PFKFB3: variants seen among roughly 807,000 people sequenced by gnomAD.
The protein encoded by PFKFB3 is 6-phosphofructo-2-kinase/fructose-2,6-bisphosphatase 3.
A neutral mutation model predicts 68.0 loss-of-function variants in PFKFB3; 33 were observed. That is an observed-to-expected ratio of 0.49 (90% CI 0.37 to 0.65). The LOEUF (loss-of-function observed/expected upper bound fraction) is 0.65. Among genes scored for constraint, PFKFB3 ranks in the 30% least tolerant of loss-of-function variants. The pLI is 0.00. For missense variants in PFKFB3, 586 were observed against 712.2 expected (o/e 0.82, Z 2.02); for synonymous variants, 315 against 288.2 (o/e 1.09, Z -0.94).
At chr10:6,213,954 C>T (rs781327187) in intron 2 of PFKFB3, among the ~76,000 whole-genome samples, 1 of 142,630 alleles carries the variant, frequency 7.0e-6, no homozygotes, top group Non-Finnish European at 1.5e-5. Context: ...ACTGGCCATT[C>T]TCTTTCCCAC....
the PFKFB3 span, among the ~76,000 whole-genome samples, chr10:6,278,603 C>T: frequency 1.3e-5 from 2 of 152,122 alleles, no homozygotes; most frequent in African/African-American, 2.4e-5. Flanking sequence ...ACCAGTTATC[C>T]CCTGAAGACC....
chr10:6,190,459 G>A (rs752711090), intron 1 of PFKFB3, among the ~76,000 whole-genome samples: 4 of 152,104 alleles, frequency 2.6e-5, no homozygotes, highest in Non-Finnish European at 5.9e-5. Flanking sequence ...GTGTTCCTAT[G>A]TTTCTCTGGG....
Position 6,203,240 on chromosome 10 carries a change from C to T in PFKFB3, c.-21C>T, listed in dbSNP as rs376534878. 2.5e-6 allele frequency: 4 copies of T among 1,603,988 alleles called. No homozygotes were observed. Among genetic ancestry groups the T allele is most frequent in the Middle Eastern group, 1.7e-4 (1 of 6,010 alleles). On this transcript the variant is annotated 5_prime_UTR_variant, in exon 1 of 15. Transcript: ENST00000379775. The stretch of plus-strand genomic sequence containing the variant: ...CGGGATCTCGGCCCCGGGAGGCGGG[C>T]CGTCGGGCGCAGCCGCGAAGATGCC...
At position 6,219,637 on chromosome 10, in the gene PFKFB3, G is replaced by T; in HGVS notation, c.567G>T (p.Lys189Asn). 1 of 1,613,926 alleles carries T rather than the reference G, an allele frequency of 6.2e-7. No homozygotes were observed. Among genetic ancestry groups the T allele is most frequent in the Non-Finnish European group, 8.5e-7 (1 of 1,179,856 alleles). Residue 189 changes from lysine (K) to asparagine (N), a missense_variant, in exon 7 of 15, where the codon AAG becomes AAT. Lys to Asn is a moderately conservative substitution (Grantham distance 94). Transcript: ENST00000379775. ...CAGAAGCCATGGACGACTTCATGAA[G>T]AGGATCAGTTGCTATGAAGCCAGCT... is the stretch of plus-strand genomic sequence containing the variant. ...NSAEAMDDFM[K>N]RISCYEASYQ...
chr10:6,173,254 G>T (rs1842364727), intron 1 of PFKFB3, among the ~76,000 whole-genome samples: 1 of 152,122 alleles, frequency 6.6e-6, no homozygotes, highest in African/African-American at 2.4e-5. Context: ...GTTGCTGGTG[G>T]TCATGTTTGT....
exon 15 of PFKFB3, chr10:6,254,316 C>A: frequency 2.5e-6 from 1 of 398,576 alleles, no homozygotes; most frequent in African/African-American, 2.1e-5. Flanking sequence ...CATCCCGGAG[C>A]CCAGACTGGT....
At chr10:6,187,034 AGTGCG>A (rs1009020787) in intron 1 of PFKFB3, among the ~76,000 whole-genome samples, 15 of 151,888 alleles carry the variant, frequency 9.9e-5, no homozygotes, top group Non-Finnish European at 5.9e-5. Flanking sequence ...CCAATGTGGA[AGTGCG>A]GTGTGGGCTT....
At chr10:6,182,556 TG>T (rs1004187409) in intron 1 of PFKFB3, among the ~76,000 whole-genome samples, 8 of 152,174 alleles carry the variant, frequency 5.3e-5, no homozygotes, top group Non-Finnish European at 1.2e-4. Flanking sequence ...GCCAGCACTG[TG>T]TTTCATCACA....
chr10:6,281,182 T>TATATATATATAC, the PFKFB3 span, among the ~76,000 whole-genome samples: 5 of 133,592 alleles, frequency 3.7e-5, no homozygotes, highest in African/African-American at 1.1e-4. Context: ...TATATATATA[T>TATATATATATAC]ACACCACAGT....
At chr10:6,144,928 G>C, upstream of PFKFB3, 1 of 1,185,196 alleles carries the variant, frequency 8.4e-7, no homozygotes, top group East Asian at 3.2e-5. Flanking sequence ...CCCGAGTCGC[G>C]GGGCTGCCGC....
At chr10:6,146,142 G>GT (rs1417773205) in intron 1 of PFKFB3, 9 of 789,350 alleles carry the variant, frequency 1.1e-5, no homozygotes, top group East Asian at 1.3e-4. Context: ...GGGGGTGTGT[G>GT]TGGGGGGAGC....
the PFKFB3 span, among the ~76,000 whole-genome samples, chr10:6,301,244 TAAG>T: frequency 6.6e-6 from 1 of 152,158 alleles, no homozygotes; most frequent in Non-Finnish European, 1.5e-5. Context: ...GGAAATAAAG[TAAG>T]ATGAGGATTT....
rs745927157 is a variant in PFKFB3, at chr10:6,221,435, G to C, written c.886G>C (p.Val296Leu). ...GGAGCAGAACCTGAAGGACCTGCGC[G>C]TGTGGACCAGCCAGCTGAAGAGCAC... The part of the protein sequence containing the change: ...VEEQNLKDLR[V>L]WTSQLKSTIQ... The change falls in exon 9 of 15, where the codon GTG becomes CTG. Residue 296 changes from valine to leucine, a missense_variant. Physicochemically the swap from Val to Leu is conservative, Grantham distance 32 (BLOSUM62 1). Transcript: ENST00000379775. 1.9e-6 allele frequency: 3 copies of C among 1,613,850 alleles called. No individual in the cohort carries two copies. Among genetic ancestry groups the C allele is most frequent in the East Asian group, 2.2e-5 (1 of 44,880 alleles).
At chr10:6,316,305 G>A in the PFKFB3 span, among the ~76,000 whole-genome samples, 1 of 152,236 alleles carries the variant, frequency 6.6e-6, no homozygotes, top group South Asian at 2.1e-4. Context: ...GGGGCACCTC[G>A]ACCAATGTCA....
In PFKFB3 at chr10:6,219,695, T is replaced by G. The variant is rs1844821284; in HGVS notation, c.623+2T>G. On this transcript the variant is annotated splice_donor_variant, in intron 7 of 14. Transcript: ENST00000379775. LOFTEE classifies it high-confidence loss of function. ...CCTCGACCCCGACAAATGCGACAGG[T>G]GATTCCCGTGGCTGGCCGTCTCTGC... 1 of 1,612,996 alleles carries G rather than the reference T, an allele frequency of 6.2e-7. No individual in the cohort carries two copies. The highest frequency in any genetic ancestry group is 1.7e-5 in the Admixed American group (1 of 59,988).
At chr10:6,224,312 G>C in intron 13 of PFKFB3, 99 bp downstream of exon 13, 1 of 1,191,488 alleles carries the variant, frequency 8.4e-7, no homozygotes, top group Non-Finnish European at 1.2e-6. Flanking sequence ...GCCTGCAGGT[G>C]CTGGCCTGTC....
Position 6,206,628 on chromosome 10 carries a change from C to G in PFKFB3, c.76+3292C>G, listed in dbSNP as rs369883308. Among the ~76,000 whole-genome samples the G allele has an allele frequency of 4.6e-3, 684 of 150,118 alleles. 7 individuals carry two copies. The highest frequency in any genetic ancestry group is 0.016 in the African/African-American group (629 of 40,090). On this transcript the variant is annotated intron_variant, in intron 1 of 14. Transcript: ENST00000379775. Reference sequence around the variant, plus strand: ...GGACGGGGTGGCTGCCGGGCGGAGACGCTCCTCACATCCCAGATGGGGCGG... The same window carrying G: ...GGACGGGGTGGCTGCCGGGCGGAGAGGCTCCTCACATCCCAGATGGGGCGG...
intron 1 of PFKFB3, among the ~76,000 whole-genome samples, chr10:6,165,879 A>G (rs372928419): frequency 2.0e-5 from 3 of 150,512 alleles, no homozygotes; most frequent in South Asian, 2.1e-4. Context: ...CAGTGGTGCT[A>G]TCTCCGCTCA....
At chr10:6,218,832 G>T (rs1367709323) in intron 6 of PFKFB3, among the ~76,000 whole-genome samples, 1 of 152,162 alleles carries the variant, frequency 6.6e-6, no homozygotes, top group Non-Finnish European at 1.5e-5. Context: ...ATCTTCCCCG[G>T]CTGAAACTGT....
Sources: allele counts gnomAD v4.1 joint callset (sites outside exome capture counted in the v4.1 genomes callset), GRCh38; gene constraint gnomAD v4.1.1; transcripts MANE v1.5; gene names NCBI Gene and HGNC (gene_info 2026-07-23, HGNC 2026-07-21).